DACH1: variants seen among roughly 807,000 people sequenced by gnomAD.
DACH1 encodes the protein dachshund homolog 1.
Under a neutral mutation model 54.2 loss-of-function variants are expected in DACH1, and 12 were observed. The ratio of observed to expected loss-of-function variants is 0.22; its 90% confidence interval spans 0.14 to 0.36. DACH1 has a LOEUF of 0.36. Ranked by LOEUF, DACH1 falls within the 10% of genes least tolerant of loss-of-function variation. The pLI, the probability that DACH1 is intolerant of heterozygous loss-of-function variation, is 1.00. For missense variants in DACH1, 805 were observed against 929.8 expected (o/e 0.87, Z 1.75); for synonymous variants, 386 against 366.2 (o/e 1.05, Z -0.62).
At chr13:71,653,898 C>T (rs1878859875) in intron 2 of DACH1, among the ~76,000 whole-genome samples, 2 of 151,868 alleles carry the variant, frequency 1.3e-5, no homozygotes, top group African/African-American at 4.8e-5. Context: ...CAGAGTAGAT[C>T]TTAAATGTTC....
chr13:71,744,671 T>C (rs1884533958), intron 1 of DACH1, among the ~76,000 whole-genome samples: 1 of 152,220 alleles, frequency 6.6e-6, no homozygotes, highest in African/African-American at 2.4e-5. Flanking sequence ...CCTGGAAGAA[T>C]ATTACACATG....
intron 1 of DACH1, among the ~76,000 whole-genome samples, chr13:71,712,188 ATTTCT>A (rs1309783730): frequency 1.4e-4 from 22 of 152,212 alleles, no homozygotes; most frequent in African/African-American, 2.9e-4. Flanking sequence ...TCTAATGTAG[ATTTCT>A]TTTAATTCAT....
chr13:71,513,002 C>T (rs761464265), intron 6 of DACH1, among the ~76,000 whole-genome samples: 51 of 151,458 alleles, frequency 3.4e-4, no homozygotes, highest in Non-Finnish European at 7.1e-4. Flanking sequence ...GCTTAAATTC[C>T]ACAAAATATA....
intron 6 of DACH1, among the ~76,000 whole-genome samples, chr13:71,525,799 C>A (rs951241825): frequency 6.6e-5 from 10 of 152,008 alleles, no homozygotes; most frequent in Non-Finnish European, 1.5e-4. Context: ...TGGAATGAAG[C>A]TTAAAGATTG....
At chr13:71,493,253 A>G (rs1193876609) in intron 6 of DACH1, among the ~76,000 whole-genome samples, 1 of 152,034 alleles carries the variant, frequency 6.6e-6, no homozygotes, top group Non-Finnish European at 1.5e-5. Flanking sequence ...CATGGGTCAA[A>G]CCAGTTGACA....
intron 1 of DACH1, among the ~76,000 whole-genome samples, chr13:71,795,861 G>A (rs1336619285): frequency 2.0e-5 from 3 of 152,156 alleles, no homozygotes; most frequent in East Asian, 1.9e-4. Context: ...ATAGCTTGGC[G>A]TGGTAAGTGG....
intron 2 of DACH1, among the ~76,000 whole-genome samples, chr13:71,648,017 G>A (rs1322223283): frequency 1.3e-5 from 2 of 152,108 alleles, no homozygotes; most frequent in Non-Finnish European, 2.9e-5. Flanking sequence ...CAGTGAATTT[G>A]ATTTTTATAT....
In DACH1 at chr13:71,439,325, C is replaced by T. The variant is rs527965175; in HGVS notation, c.*1330G>A. On this transcript the variant is annotated 3_prime_UTR_variant, in exon 11 of 11. Transcript: ENST00000613252. ...TAAGCACTGTTTGCCGCTTTACTTC[C>T]AGTTATCTGCACGAAAGTGAAAACA... The T allele has an allele frequency of 1.3e-5, 2 of 152,458 alleles. No individual in the cohort carries two copies. The highest frequency in any genetic ancestry group is 4.8e-5 in the African/African-American group (2 of 41,540). The allele number at this position is 152,458 out of a possible 1,614,324, so 9.4% of individuals were successfully genotyped here.
At chr13:71,553,486 CAT>C (rs1201124376) in intron 6 of DACH1, among the ~76,000 whole-genome samples, 1 of 139,642 alleles carries the variant, frequency 7.2e-6, no homozygotes, top group African/African-American at 2.7e-5. Context: ...TATATATATA[CAT>C]ATATATATAT....
At chr13:71,793,531 A>G (rs1594229385) in intron 1 of DACH1, among the ~76,000 whole-genome samples, 1 of 151,928 alleles carries the variant, frequency 6.6e-6, no homozygotes, top group Admixed American at 6.6e-5. Flanking sequence ...ATCTCTCTCT[A>G]TTTATTTTTT....
chr13:71,809,561 T>C (rs950086266), intron 1 of DACH1, among the ~76,000 whole-genome samples: 1 of 152,190 alleles, frequency 6.6e-6, no homozygotes, highest in African/African-American at 2.4e-5. Context: ...AAGCAAAAAC[T>C]CTACCCAACA....
At chr13:71,754,665 G>A (rs966057675) in intron 1 of DACH1, among the ~76,000 whole-genome samples, 2 of 151,696 alleles carry the variant, frequency 1.3e-5, no homozygotes, top group Non-Finnish European at 2.9e-5. Flanking sequence ...ATTTCCTAAA[G>A]TATTTCATGA....
intron 1 of DACH1, among the ~76,000 whole-genome samples, chr13:71,779,166 C>T (rs71431511): frequency 0.077 from 6,151 of 79,578 alleles, 223 homozygotes; most frequent in Non-Finnish European, 0.12. Context: ...TACGTATATA[C>T]GTATATATAT....
chr13:71,532,735 C>T (rs1882495927), intron 6 of DACH1, among the ~76,000 whole-genome samples: 1 of 151,912 alleles, frequency 6.6e-6, no homozygotes, highest in African/African-American at 2.4e-5. Flanking sequence ...TAATCTATGA[C>T]TACAGCTTTA....
intron 7 of DACH1, among the ~76,000 whole-genome samples, chr13:71,484,509 C>G (rs1305375060): frequency 6.6e-6 from 1 of 152,098 alleles, no homozygotes; most frequent in African/African-American, 2.4e-5. Flanking sequence ...TTAGGTCTTT[C>G]TTGTTTGCTT....
At chr13:71,704,585 C>T in intron 1 of DACH1, 2 of 476,524 alleles carry the variant, frequency 4.2e-6, no homozygotes, top group South Asian at 1.7e-5. Flanking sequence ...CCCAGAGAAG[C>T]ACACTTTATG....
chr13:71,496,314 C>CACACAA (rs1398326897), intron 6 of DACH1, among the ~76,000 whole-genome samples: 1 of 114,082 alleles, frequency 8.8e-6, no homozygotes, highest in African/African-American at 3.4e-5. Context: ...TATACACACA[C>CACACAA]AAAAAGATAT....
At chr13:71,862,652 T>C (rs1874433421) in intron 1 of DACH1, among the ~76,000 whole-genome samples, 1 of 152,080 alleles carries the variant, frequency 6.6e-6, no homozygotes, top group African/African-American at 2.4e-5. Flanking sequence ...TCAACATTTA[T>C]TCTAGTTTTC....
At chr13:71,610,805 C>G (rs1875273381) in intron 3 of DACH1, among the ~76,000 whole-genome samples, 1 of 152,112 alleles carries the variant, frequency 6.6e-6, no homozygotes, top group South Asian at 2.1e-4. Flanking sequence ...TCTAGAACTT[C>G]TAGTGTTAAA....
Sources: gnomAD v4.1 joint callset for allele counts (sites outside exome capture counted in the v4.1 genomes callset) on GRCh38, gnomAD v4.1.1 for gene constraint, MANE v1.5 for transcripts, NCBI Gene and HGNC (gene_info 2026-07-23, HGNC 2026-07-21) for gene names.